The following FAM184A variants were observed in gnomAD, a reference collection of about 807,000 sequenced individuals.
FAM184A encodes protein FAM184A.
In FAM184A, 99 loss-of-function variants were observed where a neutral mutation model predicts 143.8. That is an observed-to-expected ratio of 0.69 (90% confidence interval 0.58 to 0.81). The LOEUF (loss-of-function observed/expected upper bound fraction) is 0.81. Ranked by LOEUF, FAM184A falls within the 40% of genes least tolerant of loss-of-function variation. The pLI, the probability that FAM184A is intolerant of heterozygous loss-of-function variation, is 0.00. For synonymous variants in FAM184A, 427 were observed against 446.4 expected (o/e 0.96, Z 0.55); for missense variants, 1,217 against 1,310.5 (o/e 0.93, Z 1.10).
chr6:119,020,697 A>G (rs1785415527), intron 3 of FAM184A, among the ~76,000 whole-genome samples: 1 of 152,240 alleles, frequency 6.6e-6, no homozygotes, highest in African/African-American at 2.4e-5. Flanking sequence ...GAGGCCAGAT[A>G]AAGACCTAAA....
At chr6:118,972,743 GAC>G (rs1311212417) in intron 14 of FAM184A, among the ~76,000 whole-genome samples, 2 of 152,110 alleles carry the variant, frequency 1.3e-5, no homozygotes, top group Non-Finnish European at 2.9e-5. Flanking sequence ...AAGGAGACAG[GAC>G]ACACAGACAG....
intron 9 of FAM184A, among the ~76,000 whole-genome samples, chr6:118,991,283 C>T (rs1026033209): frequency 2.0e-5 from 3 of 151,652 alleles, no homozygotes; most frequent in Non-Finnish European, 2.9e-5. Context: ...CTGCCTCAGC[C>T]GCCTGAGTAG....
intron 9 of FAM184A, among the ~76,000 whole-genome samples, chr6:118,999,623 C>T (rs1253810146): frequency 6.6e-6 from 1 of 152,180 alleles, no homozygotes; most frequent in Non-Finnish European, 1.5e-5. Flanking sequence ...CTCAATGAAA[C>T]CTTCCCCAAG....
intron 9 of FAM184A, among the ~76,000 whole-genome samples, chr6:118,984,227 A>T (rs1389167205): frequency 2.8e-5 from 4 of 145,216 alleles, no homozygotes; most frequent in Non-Finnish European, 6.0e-5. Flanking sequence ...ATATATTTGT[A>T]TATTTATATT....
chr6:119,080,345 T>G (rs1252231597), upstream of FAM184A, among the ~76,000 whole-genome samples: 1 of 152,174 alleles, frequency 6.6e-6, no homozygotes, highest in African/African-American at 2.4e-5. Flanking sequence ...TAATGAGAAG[T>G]TAGGACCCTG....
upstream of FAM184A, among the ~76,000 whole-genome samples, chr6:119,080,170 A>G (rs1788020882): frequency 6.6e-6 from 1 of 152,214 alleles, no homozygotes; most frequent in African/African-American, 2.4e-5. Flanking sequence ...TCTTGCTAGG[A>G]CAAAGATATT....
chr6:119,131,341 A>G (rs1172622987), intron 1 of FAM184A, among the ~76,000 whole-genome samples: 1 of 109,070 alleles, frequency 9.2e-6, no homozygotes, highest in Non-Finnish European at 1.7e-5. Context: ...AGGCTCAGTA[A>G]TAAGTTGGAA....
chr6:119,078,018 G>T lies in FAM184A; in HGVS notation c.159+123C>A. The T allele has an allele frequency of 2.6e-6, 3 of 1,166,672 alleles. No homozygotes were observed. Among genetic ancestry groups the T allele is most frequent in the South Asian group, 1.5e-5 (1 of 64,694 alleles). The allele number at this position is 1,166,672 out of a possible 1,614,324, so 72.3% of individuals were successfully genotyped here. On this transcript the variant is annotated intron_variant, in intron 1 of 17. Coordinates refer to ENST00000338891, the MANE Select transcript of FAM184A (RefSeq NM_024581.6). The surrounding 1 kb of genome is among the most constrained non-coding windows in gnomAD (Gnocchi z 5.5). ...GGTTTTGGAGGTGTCTCCGGCTGTT[G>T]CTTCGGCGGAGGAGTAGAGTTCCCC...
At chr6:118,979,666 C>A in intron 10 of FAM184A, 148 bp from the exon 11 acceptor site, 2 of 622,196 alleles carry the variant, frequency 3.2e-6, no homozygotes, top group Non-Finnish European at 5.4e-6. Flanking sequence ...ATAAGATAAT[C>A]AACATTAGAA....
At chr6:119,058,595 T>C (rs937598093) in intron 1 of FAM184A, among the ~76,000 whole-genome samples, 9 of 152,210 alleles carry the variant, frequency 5.9e-5, no homozygotes, top group African/African-American at 2.2e-4. Context: ...CTTCTGAGTC[T>C]AGGTCAGTAG....
chr6:119,098,652 G>A (rs940455607), intron 1 of FAM184A, among the ~76,000 whole-genome samples: 2 of 152,158 alleles, frequency 1.3e-5, no homozygotes, highest in African/African-American at 4.8e-5. Context: ...TTTGAGTTCA[G>A]CAGACAGAAA....
At chr6:119,035,842 C>T (rs138820630) in intron 1 of FAM184A, among the ~76,000 whole-genome samples, 3 of 152,288 alleles carry the variant, frequency 2.0e-5, no homozygotes, top group South Asian at 4.1e-4. Flanking sequence ...ATGGAACAAA[C>T]GTACATCTTA....
intron 1 of FAM184A, among the ~76,000 whole-genome samples, chr6:119,120,396 T>A (rs1357690494): frequency 6.6e-6 from 1 of 152,276 alleles, no homozygotes; most frequent in Admixed American, 6.5e-5. Context: ...ACATATTGTA[T>A]AGACACTGTC....
At chr6:119,100,888 G>A (rs1290764215) in intron 1 of FAM184A, among the ~76,000 whole-genome samples, 1 of 151,850 alleles carries the variant, frequency 6.6e-6, no homozygotes, top group Non-Finnish European at 1.5e-5. Flanking sequence ...AAACGCGGAA[G>A]GGGGCAGTTG....
At position 119,023,099 on chromosome 6, in the gene FAM184A, C is replaced by T; in HGVS notation, c.1015-19G>A. ...GAAGAACCTAAGAAAGATTAAATAG[C>T]CATTGTTAAAATGCAGGAATAATAC... is the stretch of plus-strand genomic sequence containing the variant. On this transcript the variant is annotated intron_variant, in intron 2 of 17. Coordinates refer to ENST00000338891, the MANE Select transcript of FAM184A (RefSeq NM_024581.6). The T allele has an allele frequency of 6.2e-7, 1 of 1,612,736 alleles. No homozygotes were observed. The highest frequency in any genetic ancestry group is 8.5e-7 in the Non-Finnish European group (1 of 1,179,176).
At chr6:118,969,564 A>G (rs1219668227) in intron 14 of FAM184A, among the ~76,000 whole-genome samples, 3 of 152,076 alleles carry the variant, frequency 2.0e-5, no homozygotes, top group Admixed American at 6.6e-5. Flanking sequence ...ACTAGTCAAT[A>G]TTTTTCTTTT....
rs893270662 is a variant in FAM184A at position 118,980,220 on chromosome 6, T to C, written c.2219A>G (p.His740Arg). 6.2e-7 allele frequency: 1 copy of C among 1,614,232 alleles called. No homozygotes were observed. Among genetic ancestry groups the C allele is most frequent in the South Asian group, 1.1e-5 (1 of 91,086 alleles). Residue 740 changes from histidine (H) to arginine (R), a missense_variant, in exon 10 of 18, where the codon CAT becomes CGT. Physicochemically the swap from His to Arg is conservative, Grantham distance 29 (BLOSUM62 0). Transcript: ENST00000338891. ...TQELEELEEQ[H>R]QQRHKSLKEA... Reference sequence around the variant, plus strand: ...TTTTAATGATTTGTGTCTTTGCTGATGTTGCTCCTCTAATTCTTCAAGCTC... The same window carrying C: ...TTTTAATGATTTGTGTCTTTGCTGACGTTGCTCCTCTAATTCTTCAAGCTC...
At chr6:119,087,215 G>T (rs1190056762) in intron 1 of FAM184A, among the ~76,000 whole-genome samples, 5 of 152,038 alleles carry the variant, frequency 3.3e-5, no homozygotes. Context: ...AAAAGCATAG[G>T]CAGCAAAAGA....
chr6:119,081,802 G>A (rs1463993470), upstream of FAM184A, among the ~76,000 whole-genome samples: 2 of 152,210 alleles, frequency 1.3e-5, no homozygotes, highest in Non-Finnish European at 2.9e-5. Flanking sequence ...CTGCTGGCAT[G>A]CTGGTGCCTA....
Sources: allele counts gnomAD v4.1 joint callset (sites outside exome capture counted in the v4.1 genomes callset), GRCh38; gene constraint gnomAD v4.1.1; non-coding constraint Gnocchi (gnomAD v3.1); transcripts MANE v1.5; gene names NCBI Gene and HGNC (gene_info 2026-07-23, HGNC 2026-07-21).